The following TANC2 variants were observed in gnomAD, a reference collection of about 807,000 sequenced individuals.
TANC2 encodes the protein protein TANC2.
Under a neutral mutation model 210.5 loss-of-function variants are expected in TANC2, and 26 were observed. The ratio of observed to expected loss-of-function variants is 0.12; its 90% confidence interval spans 0.09 to 0.17. The LOEUF (loss-of-function observed/expected upper bound fraction) is 0.17. TANC2 is among the 10% of genes least tolerant of loss of function. The pLI, the probability that TANC2 is intolerant of heterozygous loss-of-function variation, is 1.00. For missense variants in TANC2, 2,129 were observed against 2,608.9 expected (o/e 0.82, Z 4.01); for synonymous variants, 931 against 967.1 (o/e 0.96, Z 0.69).
chr17:63,350,679 G>A (rs147322464), intron 12 of TANC2, among the ~76,000 whole-genome samples: 2 of 152,164 alleles, frequency 1.3e-5, no homozygotes, highest in African/African-American at 4.8e-5. Context: ...ACGGTGTTGG[G>A]ATCTAGCCAC....
At chr17:63,124,853 T>C (rs191675710) in intron 4 of TANC2, among the ~76,000 whole-genome samples, 6 of 152,202 alleles carry the variant, frequency 3.9e-5, no homozygotes, top group Admixed American at 2.0e-4. Context: ...TCTAGGTTGC[T>C]TGCCCCTTAT....
chr17:63,423,802 C>T (rs570953007), exon 28 of TANC2: 1 of 152,404 alleles, frequency 6.6e-6, no homozygotes, highest in South Asian at 2.1e-4. Flanking sequence ...AAGCCCCAGC[C>T]TCTTTCCACA....
intron 1 of TANC2, among the ~76,000 whole-genome samples, chr17:62,969,493 G>A (rs1254463811): frequency 2.0e-5 from 3 of 152,146 alleles, no homozygotes; most frequent in Non-Finnish European, 4.4e-5. Flanking sequence ...TCACATAGAT[G>A]TTAAGTCTGC....
intron 9 of TANC2, among the ~76,000 whole-genome samples, chr17:63,270,671 G>T (rs952711618): frequency 1.3e-5 from 2 of 151,822 alleles, no homozygotes; most frequent in Admixed American, 6.6e-5. Context: ...TGTGAAATAG[G>T]TTTTTTTTAA....
Position 63,357,753 on chromosome 17 carries a change from C to A in TANC2, c.2582+2363C>A, listed in dbSNP as rs571672246. On this transcript the variant is annotated intron_variant, in intron 14 of 27. Coordinates refer to ENST00000689528, the Ensembl canonical transcript of TANC2. Reference sequence around the variant, plus strand: ...ATTGGCAAAGCCCAAGCTGGTCTTTCAAAGCAGCTGGCTGCACTTGTTTTC... The same window carrying A: ...ATTGGCAAAGCCCAAGCTGGTCTTTAAAAGCAGCTGGCTGCACTTGTTTTC... Among the ~76,000 whole-genome samples, 481 of 152,362 alleles carry A rather than the reference C, an allele frequency of 3.2e-3. 3 individuals carry two copies. The highest frequency in any genetic ancestry group is 0.011 in the African/African-American group (445 of 41,580).
chr17:63,046,624 A>T (rs1057053695), intron 2 of TANC2, among the ~76,000 whole-genome samples: 15 of 151,908 alleles, frequency 9.9e-5, no homozygotes, highest in Non-Finnish European at 2.1e-4. Context: ...CCGGCCTTTA[A>T]TAAATTCTTT....
At chr17:63,236,713 A>G (rs2042631011) in intron 7 of TANC2, among the ~76,000 whole-genome samples, 1 of 152,016 alleles carries the variant, frequency 6.6e-6, no homozygotes, top group Non-Finnish European at 1.5e-5. Context: ...CAATATGTGC[A>G]CATTTTTTTT....
chr17:63,044,856 C>A (rs974592770), intron 2 of TANC2, among the ~76,000 whole-genome samples: 7 of 151,968 alleles, frequency 4.6e-5, no homozygotes, highest in African/African-American at 1.4e-4. Flanking sequence ...TTTTATAGGC[C>A]TTTAGAGTTC....
At chr17:62,981,556 T>G (rs1171487437) in intron 1 of TANC2, among the ~76,000 whole-genome samples, 1 of 152,138 alleles carries the variant, frequency 6.6e-6, no homozygotes, top group Non-Finnish European at 1.5e-5. Flanking sequence ...ACCTACAACC[T>G]CTTATTGTTG....
At chr17:63,410,381 C>A (rs968555847) in intron 21 of TANC2, among the ~76,000 whole-genome samples, 2 of 137,534 alleles carry the variant, frequency 1.5e-5, no homozygotes, top group African/African-American at 5.2e-5. Context: ...CCATTTTATT[C>A]TTTGATTCTA....
chr17:63,203,714 G>T (rs1001513659), intron 7 of TANC2, among the ~76,000 whole-genome samples: 1 of 152,170 alleles, frequency 6.6e-6, no homozygotes, highest in Non-Finnish European at 1.5e-5. Flanking sequence ...GAAGAAAACA[G>T]AGGACTGAGC....
chr17:63,425,297 T>C (rs1381910763), exon 28 of TANC2: 1 of 152,206 alleles, frequency 6.6e-6, no homozygotes, highest in Non-Finnish European at 1.5e-5. Context: ...ATATACAAGT[T>C]TGCTAATGTA....
chr17:63,295,449 A>C (rs1273146225), intron 9 of TANC2, among the ~76,000 whole-genome samples: 2 of 152,230 alleles, frequency 1.3e-5, no homozygotes, highest in Non-Finnish European at 2.9e-5. Flanking sequence ...AATTAGCATT[A>C]GTCATATTCA....
chr17:63,179,865 C>G (rs1471867440), intron 5 of TANC2, among the ~76,000 whole-genome samples: 1 of 151,546 alleles, frequency 6.6e-6, no homozygotes, highest in Non-Finnish European at 1.5e-5. Context: ...AATATTTCTT[C>G]TAGGCTGGGC....
At chr17:63,334,761 T>C (rs1008155131) in intron 11 of TANC2, among the ~76,000 whole-genome samples, 1 of 152,200 alleles carries the variant, frequency 6.6e-6, no homozygotes, top group Non-Finnish European at 1.5e-5. Context: ...TTACCAGTTG[T>C]GTTAGGCCAT....
At chr17:63,119,827 C>A (rs2038393056) in intron 4 of TANC2, among the ~76,000 whole-genome samples, 1 of 152,080 alleles carries the variant, frequency 6.6e-6, no homozygotes, top group African/African-American at 2.4e-5. Flanking sequence ...CTAGCCTGGG[C>A]AGCACAAGGA....
intron 9 of TANC2, among the ~76,000 whole-genome samples, chr17:63,308,710 C>T (rs1346499705): frequency 6.6e-6 from 1 of 152,124 alleles, no homozygotes; most frequent in African/African-American, 2.4e-5. Context: ...TTGTGTGTTT[C>T]AATTGATGTA....
At chr17:63,193,267 GT>G (rs2041242521) in intron 5 of TANC2, among the ~76,000 whole-genome samples, 1 of 152,112 alleles carries the variant, frequency 6.6e-6, no homozygotes, top group Non-Finnish European at 1.5e-5. Context: ...ATAGAGCCTT[GT>G]TTTTCTACCT....
intron 4 of TANC2, among the ~76,000 whole-genome samples, chr17:63,107,724 G>A (rs1364415202): frequency 6.6e-6 from 1 of 151,672 alleles, no homozygotes; most frequent in Admixed American, 6.6e-5. Flanking sequence ...AAGAACATAT[G>A]TTATACAATT....
Sources: allele counts gnomAD v4.1 joint callset (sites outside exome capture counted in the v4.1 genomes callset), GRCh38; gene constraint gnomAD v4.1.1; transcripts MANE v1.5; gene names NCBI Gene and HGNC (gene_info 2026-07-23, HGNC 2026-07-21).